Variants in STXBP5L observed in about 807,000 individuals in gnomAD.
STXBP5L encodes syntaxin binding protein 5L.
Under a neutral mutation model 144.5 loss-of-function variants are expected in STXBP5L, and 65 were observed. That is an observed-to-expected ratio of 0.45 (90% CI 0.37 to 0.55). STXBP5L has a LOEUF of 0.55. STXBP5L is among the 20% of genes least tolerant of loss of function. STXBP5L has a pLI of 0.00. For missense variants in STXBP5L, 1,298 were observed against 1,405.5 expected (o/e 0.92, Z 1.22); for synonymous variants, 505 against 469.6 (o/e 1.08, Z -0.97).
intron 11 of STXBP5L, among the ~76,000 whole-genome samples, chr3:121,226,748 A>G (rs1352152547): frequency 1.3e-5 from 2 of 152,178 alleles, no homozygotes; most frequent in Non-Finnish European, 2.9e-5. Flanking sequence ...CAATCTAATA[A>G]CAGATACAAT....
chr3:121,121,877 G>A (rs1025730832), intron 7 of STXBP5L, among the ~76,000 whole-genome samples, 173 bp downstream of exon 7: 1 of 150,958 alleles, frequency 6.6e-6, no homozygotes, highest in African/African-American at 2.4e-5. Context: ...AATGAATCAT[G>A]CTACTGATGG....
intron 7 of STXBP5L, among the ~76,000 whole-genome samples, chr3:121,131,380 C>T (rs2044982290): frequency 6.6e-6 from 1 of 152,034 alleles, no homozygotes; most frequent in Non-Finnish European, 1.5e-5. Context: ...ATTACTACTC[C>T]CACCCAAAAG....
chr3:121,410,793 T>C (rs1248357742), intron 23 of STXBP5L, among the ~76,000 whole-genome samples: 2 of 152,156 alleles, frequency 1.3e-5, no homozygotes, highest in Admixed American at 1.3e-4. Context: ...GTGTCCTGCA[T>C]AGAAGAAAGT....
intron 20 of STXBP5L, among the ~76,000 whole-genome samples, chr3:121,324,087 A>G (rs2044066272): frequency 6.6e-6 from 1 of 152,136 alleles, no homozygotes; most frequent in Non-Finnish European, 1.5e-5. Context: ...TCAGTGCACA[A>G]TCTACAACAC....
intron 20 of STXBP5L, among the ~76,000 whole-genome samples, chr3:121,356,783 G>C (rs1334879704): frequency 6.6e-6 from 1 of 152,192 alleles, no homozygotes; most frequent in African/African-American, 2.4e-5. Flanking sequence ...AATCACGCTG[G>C]AAGCTGCAGA....
chr3:121,352,199 A>AT (rs1313136329), intron 20 of STXBP5L, among the ~76,000 whole-genome samples: 4 of 152,052 alleles, frequency 2.6e-5, no homozygotes, highest in African/African-American at 7.2e-5. Flanking sequence ...ACTTTAAAGT[A>AT]TTTTTTTCCA....
At position 121,078,675 on chromosome 3, in the gene STXBP5L, G is replaced by A. The variant is rs555925778; in HGVS notation, c.470+33140G>A. 5.5e-4 allele frequency among the ~76,000 whole-genome samples: 83 copies of A among 152,026 alleles called. 2 individuals are homozygous for A. The South Asian group carries it at 0.011, about 20-fold the overall frequency. On this transcript the variant is annotated intron_variant, in intron 5 of 26. Coordinates refer to ENST00000471454, the MANE Select transcript of STXBP5L (RefSeq NM_001308330.2). Reference sequence around the variant, plus strand: ...AGCTGCAGGTTCTGAGCCCTGCCCCGCTGCAGGTTCTGAGCCCTGCCCCAC... The same window carrying A: ...AGCTGCAGGTTCTGAGCCCTGCCCCACTGCAGGTTCTGAGCCCTGCCCCAC...
intron 11 of STXBP5L, among the ~76,000 whole-genome samples, chr3:121,227,959 T>G (rs574688177): frequency 7.2e-5 from 11 of 152,264 alleles, no homozygotes; most frequent in African/African-American, 2.6e-4. Flanking sequence ...CCTTTGAGGC[T>G]CTTCAGGGGG....
chr3:121,288,184 G>T (rs1228469140), intron 19 of STXBP5L, among the ~76,000 whole-genome samples: 5 of 152,142 alleles, frequency 3.3e-5, no homozygotes. Flanking sequence ...CTTTTTTATG[G>T]CTGTGTAGTG....
chr3:120,992,751 C>G (rs1435531491), intron 3 of STXBP5L, among the ~76,000 whole-genome samples: 1 of 151,954 alleles, frequency 6.6e-6, no homozygotes, highest in African/African-American at 2.4e-5. Context: ...ATGAATAGTG[C>G]TGTAATAAAC....
chr3:121,113,170 T>A (rs969446536), intron 5 of STXBP5L, among the ~76,000 whole-genome samples: 3 of 152,204 alleles, frequency 2.0e-5, no homozygotes, highest in Non-Finnish European at 4.4e-5. Context: ...CTTACACTTT[T>A]CTTCTTAACC....
intron 9 of STXBP5L, among the ~76,000 whole-genome samples, chr3:121,196,665 C>A (rs2047931789): frequency 1.3e-5 from 2 of 150,676 alleles, no homozygotes; most frequent in Admixed American, 6.6e-5. Context: ...ATTTTGTTTT[C>A]TTTTTTCCTT....
intron 19 of STXBP5L, among the ~76,000 whole-genome samples, chr3:121,285,437 T>C (rs924302674): frequency 2.0e-5 from 3 of 152,110 alleles, no homozygotes; most frequent in Non-Finnish European, 4.4e-5. Flanking sequence ...AAGTCCGTTA[T>C]TTTATAATCA....
At chr3:121,370,839 T>G (rs1027078968) in intron 20 of STXBP5L, among the ~76,000 whole-genome samples, 2 of 152,180 alleles carry the variant, frequency 1.3e-5, no homozygotes. Context: ...TCTTGTAGAG[T>G]GTTTTTTAGC....
At chr3:120,945,948 AC>A (rs936800867) in intron 2 of STXBP5L, among the ~76,000 whole-genome samples, 22 of 151,852 alleles carry the variant, frequency 1.4e-4, no homozygotes, top group African/African-American at 5.3e-4. Flanking sequence ...GTTTGGGTCT[AC>A]AAAAAATGAT....
chr3:121,131,931 C>T (rs1317085872), intron 7 of STXBP5L, among the ~76,000 whole-genome samples: 1 of 152,152 alleles, frequency 6.6e-6, no homozygotes, highest in Non-Finnish European at 1.5e-5. Flanking sequence ...TAAGGAAATT[C>T]AGGATGCCCT....
chr3:121,061,911 AC>A (rs2041301155), intron 5 of STXBP5L, among the ~76,000 whole-genome samples: 1 of 146,056 alleles, frequency 6.8e-6, no homozygotes, highest in African/African-American at 2.6e-5. Context: ...ATGTGTCTTG[AC>A]TATCCAGTTT....
intron 20 of STXBP5L, chr3:121,324,433 T>G: frequency 1.6e-6 from 1 of 618,238 alleles, no homozygotes; most frequent in South Asian, 1.9e-5. Context: ...AAGATAAAAA[T>G]TATTGGTTCA....
intron 3 of STXBP5L, among the ~76,000 whole-genome samples, chr3:120,980,764 G>A (rs1559947322): frequency 1.3e-5 from 2 of 151,998 alleles, no homozygotes; most frequent in Non-Finnish European, 2.9e-5. Context: ...TTACTTAGAT[G>A]GTTTGCAATC....
Sources: allele counts gnomAD v4.1 joint callset (sites outside exome capture counted in the v4.1 genomes callset), GRCh38; gene constraint gnomAD v4.1.1; transcripts MANE v1.5; gene names NCBI Gene and HGNC (gene_info 2026-07-23, HGNC 2026-07-21).